DMBT1: variants seen among roughly 807,000 people sequenced by gnomAD.
The protein encoded by DMBT1 is scavenger receptor cysteine-rich domain-containing protein DMBT1.
A neutral mutation model predicts 252.9 loss-of-function variants in DMBT1; 198 were observed. The observed-to-expected ratio is 0.78, with a 90% confidence interval of 0.70 to 0.88. The LOEUF (loss-of-function observed/expected upper bound fraction) is 0.88, where lower values mean the gene tolerates loss of function less well. Among genes scored for constraint, DMBT1 ranks in the 40% least tolerant of loss-of-function variants. DMBT1 has a pLI of 0.00. For synonymous variants in DMBT1, 990 were observed against 942.7 expected (o/e 1.05, Z -0.92); for missense variants, 2,432 against 2,404.7 (o/e 1.01, Z -0.24).
chr10:122,572,610 T>C (rs2097675138), intron 5 of DMBT1, among the ~76,000 whole-genome samples: 1 of 152,216 alleles, frequency 6.6e-6, no homozygotes, highest in South Asian at 2.1e-4. Flanking sequence ...TCTTCATTGA[T>C]GTTGGAGTGT....
chr10:122,589,618 G>C (rs1486208143), intron 17 of DMBT1, among the ~76,000 whole-genome samples: 1 of 148,480 alleles, frequency 6.7e-6, no homozygotes, highest in African/African-American at 2.4e-5. Context: ...TTTGGGTCTT[G>C]GCTTTGCAGG....
chr10:122,633,562 T>C (rs1206603642), intron 52 of DMBT1, among the ~76,000 whole-genome samples: 1 of 152,152 alleles, frequency 6.6e-6, no homozygotes, highest in African/African-American at 2.4e-5. Context: ...CACGAGAGCC[T>C]TGGAGTGGAC....
intron 40 of DMBT1, among the ~76,000 whole-genome samples, chr10:122,617,764 G>T (rs1277311965): frequency 2.0e-5 from 3 of 151,662 alleles, no homozygotes; most frequent in African/African-American, 7.3e-5. Context: ...AGGGAGTGGG[G>T]CATTCATTCC....
In DMBT1 at chr10:122,591,970, C is replaced by A. The variant is rs1473775579; in HGVS notation, c.2177-302C>A. Among the ~76,000 whole-genome samples, 7 of 149,088 alleles carry A rather than the reference C, an allele frequency of 4.7e-5. No homozygotes were observed. The East Asian group carries it at 1.2e-3, about 27-fold the overall frequency. On this transcript the variant is annotated intron_variant, in intron 19 of 55. Coordinates refer to ENST00000338354, the MANE Select transcript of DMBT1 (RefSeq NM_001377530.1). ...GACATGGGGATAGCATAGGCCTGCC[C>A]TCTGGAGCAGTGGAGCTCCATCCTG...
intron 46 of DMBT1, among the ~76,000 whole-genome samples, chr10:122,628,966 C>G (rs3013175): frequency 0.5 from 75,701 of 151,698 alleles, 21,342 homozygotes; most frequent in African/African-American, 0.76. Context: ...AAAAAGTAAA[C>G]AAAGAGTTAT....
intron 25 of DMBT1, 98 bp downstream of exon 25, chr10:122,598,110 T>G: frequency 1.3e-6 from 2 of 1,556,584 alleles, no homozygotes; most frequent in South Asian, 2.2e-5. Flanking sequence ...TGGGCCCCTC[T>G]CTTTTTCATG....
At chr10:122,631,743 C>T in intron 49 of DMBT1, 112 bp from the exon 50 acceptor site, 2 of 1,221,054 alleles carry the variant, frequency 1.6e-6, no homozygotes, top group East Asian at 4.9e-5. Context: ...CCTGGGGACC[C>T]TCGCCGAGGG....
intron 52 of DMBT1, 77 bp downstream of exon 52, chr10:122,633,418 C>T: frequency 6.4e-7 from 1 of 1,551,868 alleles, no homozygotes; most frequent in Non-Finnish European, 8.6e-7. Context: ...TAAGTGTGCG[C>T]CCAGAAGAAT....
chr10:122,622,633 G>T (rs2098081068), intron 44 of DMBT1, among the ~76,000 whole-genome samples: 1 of 152,182 alleles, frequency 6.6e-6, no homozygotes, highest in Non-Finnish European at 1.5e-5. Context: ...GGCTGACAAG[G>T]CCTGGGAGGA....
At position 122,598,905 on chromosome 10, in the gene DMBT1, G is replaced by A. The variant is rs368405942; in HGVS notation, c.3088G>A (p.Val1030Ile). ...DSWDTNDANVVCRQLGCGWAM... is the reference protein window; with the variant it reads ...DSWDTNDANVICRQLGCGWAM... ...CTGGGACACCAATGATGCCAATGTC[G>A]TCTGCAGGCAACTGGGCTGTGGCTG... Residue 1030 changes from valine (V) to isoleucine (I), a missense_variant, in exon 26 of 56, where the codon GTC becomes ATC. Val to Ile is a conservative substitution (Grantham distance 29). Around this residue, in one of 3 missense-constraint regions of DMBT1, gnomAD observed 1,264 missense variants for 1,082.2 expected, o/e 1.17. Coordinates refer to ENST00000338354, the MANE Select transcript of DMBT1 (RefSeq NM_001377530.1). The A allele has an allele frequency of 2.3e-4, 369 of 1,613,828 alleles. No homozygotes were observed. Among genetic ancestry groups the A allele is most frequent in the African/African-American group, 3.1e-4 (23 of 75,058 alleles).
chr10:122,623,383 G>A (rs2098088730), intron 44 of DMBT1, among the ~76,000 whole-genome samples: 2 of 152,102 alleles, frequency 1.3e-5, no homozygotes, highest in South Asian at 4.1e-4. Flanking sequence ...ACGGTTTTTT[G>A]TTTGCACTTG....
chr10:122,624,367 A>G (rs1288693867), intron 44 of DMBT1, among the ~76,000 whole-genome samples: 5 of 152,228 alleles, frequency 3.3e-5, no homozygotes, highest in Admixed American at 3.3e-4. Context: ...AAGAACATCA[A>G]CTTAAAATGA....
chr10:122,587,469 C>T (rs1413412474), intron 16 of DMBT1, among the ~76,000 whole-genome samples: 1 of 148,808 alleles, frequency 6.7e-6, no homozygotes, highest in Non-Finnish European at 1.5e-5. Context: ...GCCCATGAGG[C>T]TTACTGAGCA....
chr10:122,576,964 G>A (rs930674635), intron 7 of DMBT1, among the ~76,000 whole-genome samples: 1 of 152,220 alleles, frequency 6.6e-6, no homozygotes, highest in African/African-American at 2.4e-5. Context: ...AGTCTTTCCT[G>A]GTTATCTGGT....
At position 122,576,458 on chromosome 10, in the gene DMBT1, G is replaced by A. The variant is rs372729884; in HGVS notation, c.343G>A (p.Val115Met). 2 of 1,613,876 alleles carry A rather than the reference G, an allele frequency of 1.2e-6. No homozygotes were observed. The highest frequency in any genetic ancestry group is 1.7e-6 in the Non-Finnish European group (2 of 1,179,874). ...VNGDGRCQGR[V>M]EILYRGSWGT... ...TGGAGATGGCAGGTGTCAGGGCCGAGTGGAGATCCTATACCGAGGCTCCTG... is the reference window on the plus strand; with the variant it reads ...TGGAGATGGCAGGTGTCAGGGCCGAATGGAGATCCTATACCGAGGCTCCTG... The change falls in exon 7 of 56, where the codon GTG becomes ATG. Residue 115 changes from valine to methionine, a missense_variant. Coordinates refer to ENST00000338354, the MANE Select transcript of DMBT1 (RefSeq NM_001377530.1).
intron 2 of DMBT1, 35 bp downstream of exon 2, chr10:122,566,031 G>A (rs1417708809): frequency 1.2e-6 from 2 of 1,612,534 alleles, no homozygotes; most frequent in Non-Finnish European, 1.7e-6. Flanking sequence ...TCCCTGGTGG[G>A]GTTGGCCAGT....
At chr10:122,574,558 T>C (rs1417509071) in intron 6 of DMBT1, among the ~76,000 whole-genome samples, 3 of 152,176 alleles carry the variant, frequency 2.0e-5, no homozygotes, top group Non-Finnish European at 2.9e-5. Flanking sequence ...AACCTCTTCC[T>C]CTTTCCTATG....
In DMBT1 at chr10:122,590,268, C is replaced by T. The variant is rs938667342; in HGVS notation, c.2108-397C>T. On this transcript the variant is annotated intron_variant, in intron 17 of 55. Transcript: ENST00000338354. Reference sequence around the variant, plus strand: ...GCCTGTACACCAGTCAGGTGTAGGGCGGGCAGTGCCCATTAGGGCTGCTGA... The same window carrying T: ...GCCTGTACACCAGTCAGGTGTAGGGTGGGCAGTGCCCATTAGGGCTGCTGA... Among the ~76,000 whole-genome samples, 15 of 149,024 alleles carry T rather than the reference C, an allele frequency of 1.0e-4. 2 individuals are homozygous for T. The highest frequency in any genetic ancestry group is 6.7e-4 in the South Asian group (3 of 4,468).
chr10:122,567,825 G>C (rs2097612819), intron 2 of DMBT1, among the ~76,000 whole-genome samples: 1 of 152,200 alleles, frequency 6.6e-6, no homozygotes, highest in Admixed American at 6.5e-5. Flanking sequence ...GTCGAGGCTT[G>C]CTCTTGGACT....
Sources: allele counts gnomAD v4.1 joint callset (sites outside exome capture counted in the v4.1 genomes callset), GRCh38; gene constraint gnomAD v4.1.1; regional missense constraint gnomAD v4.1.1; transcripts MANE v1.5; gene names NCBI Gene and HGNC (gene_info 2026-07-23, HGNC 2026-07-21).